NXPE2: variants seen among roughly 807,000 people sequenced by gnomAD.
The protein encoded by NXPE2 is neurexophilin and PC-esterase domain family member 2, also known as NXPE family member 2.
In NXPE2, 34 loss-of-function variants were observed where a neutral mutation model predicts 34.4. The observed-to-expected ratio is 0.99, with a 90% CI of 0.75 to 1.31. NXPE2 has a LOEUF of 1.31. Among genes scored for constraint, NXPE2 ranks in the 40% most tolerant of loss-of-function variants. The pLI is 0.00. For synonymous variants in NXPE2, 235 were observed against 231.3 expected (o/e 1.02, Z -0.15); for missense variants, 649 against 672.5 (o/e 0.97, Z 0.39).
At chr11:114,583,170 C>A in the NXPE2 span, 1 of 872,166 alleles carries the variant, frequency 1.1e-6, no homozygotes, top group African/African-American at 1.7e-5. Flanking sequence ...ATACTATTAT[C>A]AATATTATTT....
At chr11:114,802,945 C>G in the NXPE2 span, among the ~76,000 whole-genome samples, 1 of 151,702 alleles carries the variant, frequency 6.6e-6, no homozygotes, top group African/African-American at 2.4e-5. Flanking sequence ...AGACATGAAA[C>G]CATCTGATTC....
the NXPE2 span, among the ~76,000 whole-genome samples, chr11:114,639,414 G>A: frequency 3.8e-3 from 579 of 151,874 alleles, 6 homozygotes; most frequent in Non-Finnish European, 6.6e-3. Context: ...GACCCCTTGC[G>A]CTTCCTGAGT....
intron 2 of NXPE2, among the ~76,000 whole-genome samples, chr11:114,692,458 G>C (rs1303093471): frequency 6.6e-6 from 1 of 152,184 alleles, no homozygotes; most frequent in African/African-American, 2.4e-5. Context: ...ACCTGAGTCT[G>C]CTCCAGGCTT....
the NXPE2 span, among the ~76,000 whole-genome samples, chr11:114,727,853 A>G: frequency 1.3e-5 from 2 of 150,452 alleles, no homozygotes; most frequent in African/African-American, 4.9e-5. Flanking sequence ...GAAGATCACA[A>G]TTTTGGTCAA....
At chr11:114,499,733 G>A in the NXPE2 span, among the ~76,000 whole-genome samples, 61 of 152,222 alleles carry the variant, frequency 4.0e-4, no homozygotes, top group Non-Finnish European at 7.5e-4. Context: ...GACACAGAAC[G>A]CTTTCACTAC....
the NXPE2 span, among the ~76,000 whole-genome samples, chr11:114,620,233 C>T: frequency 2.6e-4 from 39 of 151,198 alleles, no homozygotes; most frequent in Admixed American, 5.3e-4. Flanking sequence ...CACTGTTATC[C>T]GTTGGATAAT....
the NXPE2 span, chr11:114,571,510 A>T: frequency 2.0e-6 from 3 of 1,527,972 alleles, no homozygotes; most frequent in South Asian, 1.3e-5. Flanking sequence ...TAAAAGGAGG[A>T]TATAGTTACC....
At chr11:114,650,594 G>C in the NXPE2 span, among the ~76,000 whole-genome samples, 20 of 152,166 alleles carry the variant, frequency 1.3e-4, no homozygotes, top group African/African-American at 4.8e-4. Context: ...CACTGCAAAG[G>C]GAGGAGGTGG....
At chr11:114,565,728 C>T in the NXPE2 span, among the ~76,000 whole-genome samples, 2 of 152,200 alleles carry the variant, frequency 1.3e-5, no homozygotes, top group African/African-American at 4.8e-5. Context: ...GAAGCCATTA[C>T]AGGGTTTTAT....
At chr11:114,591,590 A>C in the NXPE2 span, among the ~76,000 whole-genome samples, 12 of 152,266 alleles carry the variant, frequency 7.9e-5, no homozygotes, top group African/African-American at 2.9e-4. Context: ...CCCCTGCAAA[A>C]ATAGAATGGG....
At chr11:114,557,861 A>G in the NXPE2 span, among the ~76,000 whole-genome samples, 1 of 151,650 alleles carries the variant, frequency 6.6e-6, no homozygotes, top group Non-Finnish European at 1.5e-5. Context: ...TTTCATTTTG[A>G]GGGTTTCTTT....
At chr11:114,631,829 C>T in the NXPE2 span, among the ~76,000 whole-genome samples, 5 of 150,746 alleles carry the variant, frequency 3.3e-5, no homozygotes, top group South Asian at 2.1e-4. Flanking sequence ...CATGGGTAAC[C>T]GATGTTACCC....
At chr11:114,670,774 TATA>T in the NXPE2 span, among the ~76,000 whole-genome samples, 1 of 152,048 alleles carries the variant, frequency 6.6e-6, no homozygotes, top group East Asian at 1.9e-4. Context: ...ATAAATTTGC[TATA>T]ATATTTTATC....
chr11:114,625,424 T>G, the NXPE2 span, among the ~76,000 whole-genome samples: 1 of 152,148 alleles, frequency 6.6e-6, no homozygotes, highest in African/African-American at 2.4e-5. Flanking sequence ...CAACCACTTC[T>G]ACCACATGGA....
chr11:114,742,608 G>GT, the NXPE2 span, among the ~76,000 whole-genome samples: 1 of 118,626 alleles, frequency 8.4e-6, no homozygotes, highest in Non-Finnish European at 1.7e-5. Context: ...TCTTCAATGT[G>GT]TTTATTCTTG....
chr11:114,479,034 A>G, the NXPE2 span, among the ~76,000 whole-genome samples: 3 of 152,184 alleles, frequency 2.0e-5, no homozygotes, highest in African/African-American at 7.2e-5. Flanking sequence ...GAAATGTCCT[A>G]ACCTGGAACT....
the NXPE2 span, among the ~76,000 whole-genome samples, chr11:114,562,623 ATC>A: frequency 2.0e-5 from 3 of 152,298 alleles, no homozygotes; most frequent in Non-Finnish European, 4.4e-5. Flanking sequence ...TGCATCTGTA[ATC>A]TCTCTTATTT....
the NXPE2 span, chr11:114,554,318 T>A: frequency 8.1e-6 from 8 of 984,798 alleles, no homozygotes; most frequent in African/African-American, 1.2e-4. Context: ...CCATACCTCC[T>A]CCAGGTTCTC....
chr11:114,791,150 C>T, the NXPE2 span, among the ~76,000 whole-genome samples: 5 of 151,138 alleles, frequency 3.3e-5, no homozygotes, highest in Admixed American at 6.6e-5. Flanking sequence ...AGCTAACTCT[C>T]ACCAAAGTTG....
Sources: allele counts gnomAD v4.1 joint callset (sites outside exome capture counted in the v4.1 genomes callset), GRCh38; gene constraint gnomAD v4.1.1; transcripts MANE v1.5; gene names NCBI Gene and HGNC (gene_info 2026-07-23, HGNC 2026-07-21).